TTC27: variants seen among roughly 807,000 people sequenced by gnomAD.
TTC27 encodes tetratricopeptide repeat protein 27.
Under a neutral mutation model 115.9 loss-of-function variants are expected in TTC27, and 79 were observed. That is an observed-to-expected ratio of 0.68 (90% confidence interval 0.57 to 0.82). The LOEUF (loss-of-function observed/expected upper bound fraction) is 0.82, where lower values mean the gene tolerates loss of function less well. Among genes scored for constraint, TTC27 ranks in the 40% least tolerant of loss-of-function variants. TTC27 has a pLI of 0.00. For missense variants in TTC27, 1,054 were observed against 993.1 expected (o/e 1.06, Z -0.82); for synonymous variants, 401 against 356.0 (o/e 1.13, Z -1.42).
In TTC27 at chr2:32,777,135, A is replaced by T. The variant is rs1019850221; in HGVS notation, c.1681-747A>T. ...TCCTTTTTCTAAATTAATTTCAGGC[A>T]TGCCTAAAGCAGATATATGCTAGGG... On this transcript the variant is annotated intron_variant, in intron 13 of 19. Transcript: ENST00000317907. Among the ~76,000 whole-genome samples the T allele has an allele frequency of 2.3e-4, 35 of 152,356 alleles. 1 individual carries two copies. Among genetic ancestry groups the T allele is most frequent in the African/African-American group, 7.9e-4 (33 of 41,580 alleles).
intron 16 of TTC27, among the ~76,000 whole-genome samples, chr2:32,793,562 A>G (rs980702795): frequency 2.0e-5 from 3 of 152,186 alleles, no homozygotes; most frequent in African/African-American, 7.2e-5. Flanking sequence ...TCGCTCTGTC[A>G]CCCAGGCTGG....
intron 11 of TTC27, among the ~76,000 whole-genome samples, chr2:32,735,112 T>A (rs1255598477): frequency 6.6e-6 from 1 of 152,158 alleles, no homozygotes. Flanking sequence ...TCGTTTAAAA[T>A]CCCCATTATA....
chr2:32,741,558 A>G (rs1233994534), intron 12 of TTC27, among the ~76,000 whole-genome samples: 1 of 152,068 alleles, frequency 6.6e-6, no homozygotes, highest in South Asian at 2.1e-4. Flanking sequence ...AGGCTGAGGC[A>G]GGAGAATCAC....
At chr2:32,782,535 T>C (rs1670215649) in intron 14 of TTC27, 91 bp from the exon 15 acceptor site, 1 of 1,074,150 alleles carries the variant, frequency 9.3e-7, no homozygotes, top group Non-Finnish European at 1.4e-6. Flanking sequence ...AGAGCATATA[T>C]TGGACTAGGA....
At chr2:32,684,025 G>A (rs894349017) in intron 9 of TTC27, among the ~76,000 whole-genome samples, 5 of 152,076 alleles carry the variant, frequency 3.3e-5, no homozygotes, top group African/African-American at 1.2e-4. Flanking sequence ...GGGCGTGGTG[G>A]TGCTCGCCTA....
At chr2:32,762,614 G>A (rs1021543970) in intron 13 of TTC27, among the ~76,000 whole-genome samples, 5 of 147,150 alleles carry the variant, frequency 3.4e-5, no homozygotes, top group Non-Finnish European at 7.5e-5. Context: ...TGTAGCAATA[G>A]TTTAGTTTTT....
At chr2:32,736,568 T>A in intron 11 of TTC27, 126 bp from the exon 12 acceptor site, 1 of 1,012,854 alleles carries the variant, frequency 9.9e-7, no homozygotes, top group East Asian at 2.5e-5. Context: ...TAGTACAGAT[T>A]GTAGAATTTA....
intron 4 of TTC27, among the ~76,000 whole-genome samples, chr2:32,644,966 C>G (rs994954802): frequency 1.3e-5 from 2 of 151,116 alleles, no homozygotes; most frequent in African/African-American, 4.9e-5. Flanking sequence ...CTCCAGCCTC[C>G]TGAGCAGCTA....
intron 13 of TTC27, among the ~76,000 whole-genome samples, chr2:32,776,852 C>T (rs1486303290): frequency 2.6e-5 from 4 of 152,104 alleles, no homozygotes; most frequent in South Asian, 2.1e-4. Flanking sequence ...TCAAGTGATC[C>T]GCCCACCTCG....
chr2:32,632,812 T>C (rs979228949), intron 2 of TTC27, among the ~76,000 whole-genome samples: 27 of 152,222 alleles, frequency 1.8e-4, no homozygotes, highest in African/African-American at 5.8e-4. Flanking sequence ...GTTGGATCTG[T>C]ACCTATTTAG....
chr2:32,738,437 C>T (rs1285720538), intron 12 of TTC27, among the ~76,000 whole-genome samples: 1 of 152,154 alleles, frequency 6.6e-6, no homozygotes, highest in Non-Finnish European at 1.5e-5. Context: ...GTTTTTTCTT[C>T]ATATTTTAAT....
At chr2:32,768,570 G>A (rs1669717458) in intron 13 of TTC27, among the ~76,000 whole-genome samples, 1 of 152,212 alleles carries the variant, frequency 6.6e-6, no homozygotes, top group African/African-American at 2.4e-5. Context: ...GACAGAACTA[G>A]TTTCCAAAGG....
intron 4 of TTC27, 78 bp downstream of exon 4, chr2:32,640,488 G>C: frequency 7.1e-7 from 1 of 1,412,378 alleles, no homozygotes; most frequent in Non-Finnish European, 9.7e-7. Context: ...ATGTGTTGCT[G>C]ACAATGTCTT....
chr2:32,726,412 A>T (rs372967154), intron 10 of TTC27, among the ~76,000 whole-genome samples: 2 of 152,202 alleles, frequency 1.3e-5, no homozygotes, highest in East Asian at 3.9e-4. Context: ...CATCTCTCTC[A>T]AGTTCAAAGT....
At chr2:32,807,646 T>C (rs1671176522) in intron 16 of TTC27, among the ~76,000 whole-genome samples, 1 of 152,162 alleles carries the variant, frequency 6.6e-6, no homozygotes, top group South Asian at 2.1e-4. Context: ...TTCTCTTCAT[T>C]TTTTGTGATG....
At chr2:32,761,393 C>A (rs1479683318) in intron 13 of TTC27, among the ~76,000 whole-genome samples, 1 of 152,164 alleles carries the variant, frequency 6.6e-6, no homozygotes, top group Non-Finnish European at 1.5e-5. Context: ...GGTCTTCCTG[C>A]CTTTCTCCTT....
chr2:32,695,718 CAAAAAAAAAAAAAA>C (rs66677186), intron 9 of TTC27, among the ~76,000 whole-genome samples: 3 of 29,706 alleles, frequency 1.0e-4, no homozygotes, highest in African/African-American at 2.9e-4. Flanking sequence ...GGCTCTATCT[CAAAAAAAAAAAAAA>C]AAAAAAAAAA....
chr2:32,704,441 G>C (rs1667296987), intron 10 of TTC27, among the ~76,000 whole-genome samples: 1 of 152,118 alleles, frequency 6.6e-6, no homozygotes, highest in Non-Finnish European at 1.5e-5. Context: ...GCCCGCCTCT[G>C]CCTCCCAAAG....
At chr2:32,804,532 C>T (rs1671065227) in intron 16 of TTC27, among the ~76,000 whole-genome samples, 1 of 151,900 alleles carries the variant, frequency 6.6e-6, no homozygotes, top group Non-Finnish European at 1.5e-5. Flanking sequence ...TTGAATCTAT[C>T]AAAATACTAT....
Sources: gnomAD v4.1 joint callset for allele counts (sites outside exome capture counted in the v4.1 genomes callset) on GRCh38, gnomAD v4.1.1 for gene constraint, MANE v1.5 for transcripts, NCBI Gene and HGNC (gene_info 2026-07-23, HGNC 2026-07-21) for gene names.